The following MATN4 variants were observed in gnomAD, a reference collection of about 807,000 sequenced individuals.
The protein encoded by MATN4 is matrilin 4, also known as matrilin-4.
A neutral mutation model predicts 54.6 loss-of-function variants in MATN4; 40 were observed. The ratio of observed to expected loss-of-function variants is 0.73; its 90% CI spans 0.57 to 0.95. The LOEUF is 0.95. Among genes scored for constraint, MATN4 ranks in the 40% least tolerant of loss-of-function variants. The pLI is 0.00. For missense variants in MATN4, 810 were observed against 819.1 expected (o/e 0.99, Z 0.13); for synonymous variants, 351 against 345.3 (o/e 1.02, Z -0.18).
intron 1 of MATN4, 117 bp downstream of exon 1, chr20:45,308,058 C>A: frequency 1.2e-6 from 1 of 867,626 alleles, no homozygotes; most frequent in Non-Finnish European, 1.9e-6. Context: ...TGGGGAAGGG[C>A]ACTGCAAATC....
At chr20:45,306,958 C>T in intron 1 of MATN4, 1 of 1,251,880 alleles carries the variant, frequency 8.0e-7, no homozygotes, top group Non-Finnish European at 1.0e-6. Context: ...AGCGCTTACC[C>T]TCCCGAGGCC....
chr20:45,298,543 A>G lies in MATN4; in HGVS notation c.1053T>C (p.Asp351=), dbSNP rs1294465232. ...TTTGTGGACGCACGCTCTTGGAGCC[A>G]TCAACCAGCAGAACAAGGTCCACGT... ...EGHVDLVLLV[D]GSKSVRPQNF... is the part of the protein sequence containing the mutation. Residue 351 remains aspartate (D), a synonymous_variant, in exon 7 of 10, where the codon GAT becomes GAC. Transcript: ENST00000372756. The surrounding 1 kb of genome is among the most constrained non-coding windows in gnomAD (Gnocchi z 4.6). 1.9e-6 allele frequency: 3 copies of G among 1,592,278 alleles called. No individual in the cohort carries two copies. The highest frequency in any genetic ancestry group is 1.7e-4 in the Middle Eastern group (1 of 5,960).
intron 2 of MATN4, among the ~76,000 whole-genome samples, 169 bp downstream of exon 2, chr20:45,305,341 C>A (rs1986535650): frequency 6.6e-6 from 1 of 152,214 alleles, no homozygotes; most frequent in African/African-American, 2.4e-5. Flanking sequence ...AAGCCACATC[C>A]TACAGATGAA....
At position 45,305,605 on chromosome 20, in the gene MATN4, A is replaced by T. The variant is rs200180557; in HGVS notation, c.-23T>A. 19 of 1,529,482 alleles carry T rather than the reference A, an allele frequency of 1.2e-5. No homozygotes were observed. In the African/African-American group the frequency reaches 2.6e-4, roughly 21 times the overall value. 94.7% of individuals were successfully genotyped at this position (1,529,482 alleles called of 1,614,324 possible). A position where few individuals can be genotyped will look rare whatever the true frequency, so the allele number is the denominator to read the frequency against. ...CATGGCGCTTGGGGACAGAGAATGG[A>T]GGTGTCAGAGCCTGGAGGGAGGAAG... On this transcript the variant is annotated 5_prime_UTR_variant, in exon 2 of 10. Coordinates refer to ENST00000372756, the MANE Select transcript of MATN4 (RefSeq NM_001393530.1).
At chr20:45,300,532 T>C (rs1225438747) in intron 6 of MATN4, among the ~76,000 whole-genome samples, 1 of 152,146 alleles carries the variant, frequency 6.6e-6, no homozygotes, top group Non-Finnish European at 1.5e-5. Flanking sequence ...TAATGTTGGT[T>C]GTAACCCAGT....
Position 45,304,714 on chromosome 20 carries a change from T to A in MATN4, c.157A>T (p.Met53Leu). 1.2e-6 allele frequency: 2 copies of A among 1,612,136 alleles called. No individual in the cohort carries two copies. The highest frequency in any genetic ancestry group is 1.7e-6 in the Non-Finnish European group (2 of 1,178,858). ...RSVRPFEFETMRQFLMGLLRG... is the reference protein window; with the variant it reads ...RSVRPFEFETLRQFLMGLLRG... ...AGGAGGCCCATGAGGAACTGCCGCA[T>A]GGTCTCGAACTCGAAAGGGCGCACG... The change falls in exon 3 of 10, where the codon ATG becomes TTG. Residue 53 changes from methionine to leucine, a missense_variant. Physicochemically the swap from Met to Leu is conservative, Grantham distance 15 (BLOSUM62 2). Coordinates refer to ENST00000372756, the MANE Select transcript of MATN4 (RefSeq NM_001393530.1).
At position 45,298,363 on chromosome 20, in the gene MATN4, C is replaced by T. The variant is rs1985998332; in HGVS notation, c.1233G>A (p.Ala411=). 1.2e-6 allele frequency: 2 copies of T among 1,612,572 alleles called. No individual in the cohort carries two copies. The highest frequency in any genetic ancestry group is 1.1e-5 in the South Asian group (1 of 90,976). The change falls in exon 7 of 10, where the codon GCG becomes GCA. Residue 411 remains alanine, a synonymous_variant. Transcript: ENST00000372756. The surrounding 1 kb of genome is among the most constrained non-coding windows in gnomAD (Gnocchi z 4.6). ...GTTCCATGTACTCCACGGCCAGGACCGCCTGCTTCACCTCGGCTGCGGTGC... is the reference window on the plus strand; with the variant it reads ...GTTCCATGTACTCCACGGCCAGGACTGCCTGCTTCACCTCGGCTGCGGTGC... ...RYGTAAEVKQ[A]VLAVEYMERG...
Position 45,297,951 on chromosome 20 carries a change from G to A in MATN4, c.1546C>T (p.Leu516=). The A allele has an allele frequency of 6.2e-7, 1 of 1,614,204 alleles. No individual in the cohort carries two copies. The highest frequency in any genetic ancestry group is 8.5e-7 in the Non-Finnish European group (1 of 1,180,036). ...YAPDFGTMTH[L]LENLRGSICP... is the part of the protein sequence containing the mutation. ...ATGCTGCCTCTGAGGTTCTCCAGCA[G>A]GTGCGTCATGGTGCCGAAGTCCGGG... Residue 516 remains leucine, a synonymous_variant, in exon 8 of 10, where the codon CTG becomes TTG. Transcript: ENST00000372756.
intron 8 of MATN4, among the ~76,000 whole-genome samples, chr20:45,294,322 C>T (rs1285071087): frequency 6.6e-6 from 1 of 152,104 alleles, no homozygotes; most frequent in Admixed American, 6.5e-5. Flanking sequence ...TTTCTCAAAC[C>T]TTAATGCTCA....
chr20:45,307,858 A>G (rs1986869595), intron 1 of MATN4, among the ~76,000 whole-genome samples: 1 of 152,158 alleles, frequency 6.6e-6, no homozygotes, highest in Non-Finnish European at 1.5e-5. Flanking sequence ...AAAAAAAGAA[A>G]GATTCAGAGA....
chr20:45,302,134 G>T (rs925249058), intron 3 of MATN4, among the ~76,000 whole-genome samples: 2 of 152,128 alleles, frequency 1.3e-5, no homozygotes, highest in Non-Finnish European at 2.9e-5. Flanking sequence ...CATGTGCAGG[G>T]TTGAGAAATG....
intron 6 of MATN4, among the ~76,000 whole-genome samples, chr20:45,299,341 G>A (rs941370015): frequency 2.0e-5 from 3 of 152,208 alleles, no homozygotes; most frequent in African/African-American, 7.2e-5. Flanking sequence ...GAAAGTGCTA[G>A]AAGAGAAGAT....
rs1465909407 is a variant in MATN4 at position 45,298,397 on chromosome 20, C to A, written c.1199G>T (p.Gly400Val). 2 of 1,612,678 alleles carry A rather than the reference C, an allele frequency of 1.2e-6. No individual in the cohort carries two copies. The highest frequency in any genetic ancestry group is 2.7e-5 in the African/African-American group (2 of 75,062). The change falls in exon 7 of 10, where the codon GGT becomes GTT. Residue 400 changes from glycine to valine, a missense_variant. Transcript: ENST00000372756. The surrounding 1 kb of genome is among the most constrained non-coding windows in gnomAD (Gnocchi z 4.6). ...SSRVRTEFPL[G>V]RYGTAAEVKQ... ...CACCTCGGCTGCGGTGCCGTAGCGA[C>A]CCAGAGGGAACTCGGTGCGCACGCG...
intron 8 of MATN4, among the ~76,000 whole-genome samples, chr20:45,296,903 T>C (rs542191446): frequency 6.1e-4 from 93 of 151,968 alleles, no homozygotes; most frequent in Non-Finnish European, 1.1e-3. Context: ...GTCACCAGGC[T>C]GGAGTGCAGT....
rs189921504 is a variant in MATN4, at chr20:45,305,574, G to T, written c.9C>A (p.Gly3=). 9.0e-6 allele frequency: 14 copies of T among 1,559,020 alleles called. No individual in the cohort carries two copies. In the East Asian group the frequency reaches 1.7e-4, roughly 19 times the overall value. Residue 3 remains glycine, a synonymous_variant, in exon 2 of 10, where the codon GGC becomes GGA. Coordinates refer to ENST00000372756, the MANE Select transcript of MATN4 (RefSeq NM_001393530.1). ...GCAGCAACACGGGCCAGCAAAGAAG[G>T]CCTCTCATGGCGCTTGGGGACAGAG... MR[G]LLCWPVLLLL... is the part of the protein sequence containing the mutation.
chr20:45,297,388 C>A (rs1341640412), intron 8 of MATN4, among the ~76,000 whole-genome samples: 3 of 151,520 alleles, frequency 2.0e-5, no homozygotes, highest in Non-Finnish European at 2.9e-5. Flanking sequence ...CAGCTGAGCA[C>A]CAGATGATGA....
chr20:45,294,294 G>A (rs1194629317), intron 8 of MATN4, among the ~76,000 whole-genome samples: 2 of 151,882 alleles, frequency 1.3e-5, no homozygotes, highest in African/African-American at 2.4e-5. Context: ...GTGTGCTCAC[G>A]CACAACTTAC....
At position 45,301,097 on chromosome 20, in the gene MATN4, C is replaced by A; in HGVS notation, c.889+5G>T. On this transcript the variant is annotated splice_donor_5th_base_variant and intron_variant, in intron 5 of 9. Transcript: ENST00000372756. Reference sequence around the variant, plus strand: ...CTCCCACAAATGTAGGAGAGCCCTCCTCACCCTGACAGCTCCTCCCATCAG... The same window carrying A: ...CTCCCACAAATGTAGGAGAGCCCTCATCACCCTGACAGCTCCTCCCATCAG... 1.2e-6 allele frequency: 2 copies of A among 1,614,148 alleles called. No individual in the cohort carries two copies. The highest frequency in any genetic ancestry group is 1.1e-5 in the South Asian group (1 of 91,078).
chr20:45,298,679 TAACAGAC>T lies in MATN4; in HGVS notation c.1013-103_1013-97del. 1 of 985,752 alleles carries T rather than the reference TAACAGAC, an allele frequency of 1.0e-6. No homozygotes were observed. Among genetic ancestry groups the T allele is most frequent in the Non-Finnish European group, 1.5e-6 (1 of 677,134 alleles). 61.1% of individuals were successfully genotyped at this position (985,752 alleles called of 1,614,324 possible). ...CGTTCATTCGCAAACATTTATTATA[TAACAGAC>T]AACATTTCCTGAGTCCTTCCTGTGC... On this transcript the variant is annotated intron_variant, in intron 6 of 9. Transcript: ENST00000372756. The surrounding 1 kb of genome is among the most constrained non-coding windows in gnomAD (Gnocchi z 4.6).
Sources: gnomAD v4.1 joint callset for allele counts (sites outside exome capture counted in the v4.1 genomes callset) on GRCh38, gnomAD v4.1.1 for gene constraint, Gnocchi (gnomAD v3.1) non-coding constraint, MANE v1.5 for transcripts, NCBI Gene and HGNC (gene_info 2026-07-23, HGNC 2026-07-21) for gene names.